PSME4: variants seen among roughly 807,000 people sequenced by gnomAD.
The protein encoded by PSME4 is proteasome activator complex subunit 4.
In PSME4, 89 loss-of-function variants were observed where a neutral mutation model predicts 253.9. The observed-to-expected ratio is 0.35, with a 90% confidence interval of 0.30 to 0.42. The LOEUF is 0.42. Ranked by LOEUF, PSME4 falls within the 10% of genes least tolerant of loss-of-function variation. The pLI is 1.00. For missense variants in PSME4, 2,014 were observed against 2,195.2 expected, an observed-to-expected ratio of 0.92 and a Z score of 1.65; for synonymous variants, 851 against 759.2, an observed-to-expected ratio of 1.12 and a Z score of -1.99.
chr2:53,882,580 A>G lies in PSME4; in HGVS notation c.4815+3110T>C, dbSNP rs190830659. Among the ~76,000 whole-genome samples the G allele has an allele frequency of 4.0e-3, 616 of 152,282 alleles. 3 individuals carry two copies. The highest frequency in any genetic ancestry group is 0.014 in the African/African-American group (596 of 41,568). On this transcript the variant is annotated intron_variant, in intron 41 of 46. Transcript: ENST00000404125. Reference sequence around the variant, plus strand: ...TTCAGAGGGGTTGAATTAGATGCCCATGATTACCTAATTAGTTCATGGGCC... The same window carrying G: ...TTCAGAGGGGTTGAATTAGATGCCCGTGATTACCTAATTAGTTCATGGGCC...
chr2:53,942,750 T>C, intron 3 of PSME4, among the ~76,000 whole-genome samples: 1 of 152,150 alleles, frequency 6.6e-6, no homozygotes, highest in East Asian at 1.9e-4. Context: ...ATTAAACTTT[T>C]GTGCTTATTT....
intron 12 of PSME4, among the ~76,000 whole-genome samples, chr2:53,927,061 A>G (rs1253087984): frequency 6.6e-6 from 1 of 152,238 alleles, no homozygotes; most frequent in East Asian, 1.9e-4. Context: ...ATTAAATGTC[A>G]ATCCCTTGGA....
intron 3 of PSME4, among the ~76,000 whole-genome samples, chr2:53,940,915 TAAATATATATATAATACATATATAA>T: frequency 1.3e-5 from 1 of 74,132 alleles, no homozygotes; most frequent in Non-Finnish European, 2.3e-5. Flanking sequence ...AATACATATT[TAAATATATATATAATACATATATAA>T]ATATATATAT....
intron 41 of PSME4, among the ~76,000 whole-genome samples, chr2:53,880,040 G>C (rs764620618): frequency 2.6e-5 from 4 of 152,174 alleles, no homozygotes; most frequent in Non-Finnish European, 4.4e-5. Flanking sequence ...TATGGTGGAA[G>C]TAATTTAACC....
chr2:53,876,797 T>C (rs1679151625), intron 41 of PSME4, among the ~76,000 whole-genome samples: 1 of 145,768 alleles, frequency 6.9e-6, no homozygotes. Context: ...TGGCTCACTG[T>C]AGCCTCAACT....
intron 2 of PSME4, 125 bp from the exon 3 acceptor site, chr2:53,948,662 C>A (rs566372038): frequency 1.5e-6 from 1 of 664,644 alleles, no homozygotes; most frequent in South Asian, 1.9e-5. Flanking sequence ...TTTCCCCATC[C>A]ATGGCCACTC....
intron 36 of PSME4, among the ~76,000 whole-genome samples, chr2:53,892,296 GAACT>G (rs1679945589): frequency 6.6e-6 from 1 of 152,126 alleles, no homozygotes; most frequent in South Asian, 2.1e-4. Flanking sequence ...TTTTGCTAAT[GAACT>G]AACCTTAAAG....
At chr2:53,868,302 A>C (rs1480821480) in intron 44 of PSME4, among the ~76,000 whole-genome samples, 1 of 151,080 alleles carries the variant, frequency 6.6e-6, no homozygotes, top group Non-Finnish European at 1.5e-5. Flanking sequence ...AATACAAAAA[A>C]TTAGCCAGGT....
Position 53,934,644 on chromosome 2 carries a change from A to G in PSME4, c.918T>C (p.Tyr306=). Residue 306 remains tyrosine (Y), a synonymous_variant, in exon 8 of 47, where the codon TAT becomes TAC. Transcript: ENST00000404125. Reference sequence around the variant, plus strand: ...TCCATATTACAGCATGTCCTATATCATAAGCATTTGTTAAAAATCTTGGGA... The same window carrying G: ...TCCATATTACAGCATGTCCTATATCGTAAGCATTTGTTAAAAATCTTGGGA... ...VLVPRFLTNA[Y]DIGHAVIWIT... 6.2e-7 allele frequency: 1 copy of G among 1,612,810 alleles called. No individual in the cohort carries two copies. The highest frequency in any genetic ancestry group is 8.5e-7 in the Non-Finnish European group (1 of 1,178,984).
In PSME4 at chr2:53,940,016, C is replaced by T; in HGVS notation, c.501-16G>A. 1 of 1,546,674 alleles carries T rather than the reference C, an allele frequency of 6.5e-7. No individual in the cohort carries two copies. The stretch of plus-strand genomic sequence containing the variant: ...TTCTACAGAACTGGGGGGGGAAAGC[C>T]ATTTGATAATTAGATTGGTGTATTT... On this transcript the variant is annotated splice_polypyrimidine_tract_variant and intron_variant, in intron 3 of 46. Coordinates refer to ENST00000404125, the MANE Select transcript of PSME4 (RefSeq NM_014614.3).
chr2:53,940,048 C>A, intron 3 of PSME4, 48 bp from the exon 4 acceptor site: 1 of 1,357,194 alleles, frequency 7.4e-7, no homozygotes, highest in Non-Finnish European at 1.0e-6. Flanking sequence ...ATTTTAAGAA[C>A]ATATCTAATT....
At chr2:53,965,814 C>A (rs1221106264) in intron 1 of PSME4, among the ~76,000 whole-genome samples, 4 of 152,010 alleles carry the variant, frequency 2.6e-5, no homozygotes, top group Admixed American at 2.6e-4. Context: ...GGACTACAGG[C>A]ACCCGCCATC....
intron 41 of PSME4, among the ~76,000 whole-genome samples, chr2:53,877,326 T>C (rs748482015): frequency 5.9e-5 from 9 of 151,330 alleles, no homozygotes; most frequent in East Asian, 1.9e-4. Flanking sequence ...GGTGGGAAGA[T>C]TGCTTGAGCC....
chr2:53,898,345 T>C lies in PSME4; in HGVS notation c.3432A>G (p.Glu1144=). 2 of 1,602,896 alleles carry C rather than the reference T, an allele frequency of 1.2e-6. No homozygotes were observed. Among genetic ancestry groups the C allele is most frequent in the South Asian group, 1.1e-5 (1 of 87,886 alleles). ...CATCTAGCAAGGTGTCTACCAAATTTTCATAGTTCCTTTAAAAAAAAGGTG... is the reference window on the plus strand; with the variant it reads ...CATCTAGCAAGGTGTCTACCAAATTCTCATAGTTCCTTTAAAAAAAAGGTG... ...EKNADALRNY[E]NLVDTLLDGV... Residue 1144 remains glutamate (E), a synonymous_variant, in exon 30 of 47, where the codon GAA becomes GAG. Transcript: ENST00000404125.
At chr2:53,890,337 C>CAAA in intron 36 of PSME4, 129 bp from the exon 37 acceptor site, 3 of 650,364 alleles carry the variant, frequency 4.6e-6, no homozygotes, top group Non-Finnish European at 8.0e-6. Context: ...GACATGGTCT[C>CAAA]ATGCTATTGC....
At chr2:53,941,740 T>C (rs1026991273) in intron 3 of PSME4, among the ~76,000 whole-genome samples, 1 of 152,128 alleles carries the variant, frequency 6.6e-6, no homozygotes, top group Non-Finnish European at 1.5e-5. Context: ...AATTCTAAAA[T>C]TGTAAACTGT....
In PSME4 at chr2:53,931,936, G is replaced by C; in HGVS notation, c.1215C>G (p.Leu405=). The change falls in exon 10 of 47, where the codon CTC becomes CTG. Residue 405 remains leucine, a synonymous_variant. Coordinates refer to ENST00000404125, the MANE Select transcript of PSME4 (RefSeq NM_014614.3). ...TACCGGTTTTGCTAAACATAGCCAAGAGGACAGGCTGAATAATGCATTGTA... is the reference window on the plus strand; with the variant it reads ...TACCGGTTTTGCTAAACATAGCCAACAGGACAGGCTGAATAATGCATTGTA... ...DFVQCIIQPV[L]LAMFSKTGSL... The C allele has an allele frequency of 6.2e-7, 1 of 1,614,068 alleles. No individual in the cohort carries two copies. The highest frequency in any genetic ancestry group is 8.5e-7 in the Non-Finnish European group (1 of 1,179,926).
intron 1 of PSME4, among the ~76,000 whole-genome samples, chr2:53,960,480 A>G (rs6751340): frequency 0.13 from 19,957 of 152,006 alleles, 2,298 homozygotes; most frequent in African/African-American, 0.32. Flanking sequence ...GGCAAGGAGA[A>G]ATAACAGAAT....
intron 15 of PSME4, 57 bp from the exon 16 acceptor site, chr2:53,923,175 A>G (rs1668400803): frequency 6.6e-7 from 1 of 1,512,420 alleles, no homozygotes; most frequent in Non-Finnish European, 9.0e-7. Context: ...ATACAAGATT[A>G]TATTTTCAGT....
Sources: allele counts gnomAD v4.1 joint callset (sites outside exome capture counted in the v4.1 genomes callset), GRCh38; gene constraint gnomAD v4.1.1; transcripts MANE v1.5; gene names NCBI Gene and HGNC (gene_info 2026-07-23, HGNC 2026-07-21).